The following RUNX1 variants were observed in gnomAD, a reference collection of about 807,000 sequenced individuals.
RUNX1 encodes RUNX family transcription factor 1, also known as runt-related transcription factor 1.
In RUNX1, 19 loss-of-function variants were observed where a neutral mutation model predicts 42.8. The observed-to-expected ratio is 0.44, with a 90% CI of 0.31 to 0.65. The LOEUF is 0.65. Ranked by LOEUF, RUNX1 falls within the 30% of genes least tolerant of loss-of-function variation. The pLI is 0.07. For missense variants in RUNX1, 528 were observed against 672.0 expected (o/e 0.79, Z 2.37); for synonymous variants, 271 against 289.4 (o/e 0.94, Z 0.64).
At chr21:35,027,748 C>T (rs1297937054) in intron 2 of RUNX1, among the ~76,000 whole-genome samples, 2 of 152,096 alleles carry the variant, frequency 1.3e-5, no homozygotes, top group Non-Finnish European at 2.9e-5. Flanking sequence ...AAACCCCAGC[C>T]CAACCACAGG....
chr21:34,956,533 ACTGGGC>A (rs1601606793), intron 2 of RUNX1, among the ~76,000 whole-genome samples: 1 of 152,294 alleles, frequency 6.6e-6, no homozygotes, highest in East Asian at 1.9e-4. Flanking sequence ...AAACACAGTG[ACTGGGC>A]CATTTTGTTT....
chr21:35,034,539 A>C (rs955437841), intron 2 of RUNX1, among the ~76,000 whole-genome samples: 1 of 152,210 alleles, frequency 6.6e-6, no homozygotes, highest in Non-Finnish European at 1.5e-5. Context: ...TTCTCCAAAA[A>C]ACATTCCAGA....
chr21:34,809,026 T>C (rs1287163023), intron 7 of RUNX1, among the ~76,000 whole-genome samples: 1 of 152,208 alleles, frequency 6.6e-6, no homozygotes, highest in Non-Finnish European at 1.5e-5. Flanking sequence ...AGATTCTTTC[T>C]CTGTACTTTG....
chr21:34,882,084 C>T (rs1226269444), intron 4 of RUNX1, among the ~76,000 whole-genome samples: 1 of 152,176 alleles, frequency 6.6e-6, no homozygotes, highest in Non-Finnish European at 1.5e-5. Context: ...CTTCCTCTGC[C>T]TCCTACTTCC....
At chr21:34,863,286 G>A (rs2057603596) in intron 5 of RUNX1, among the ~76,000 whole-genome samples, 1 of 152,142 alleles carries the variant, frequency 6.6e-6, no homozygotes, top group African/African-American at 2.4e-5. Flanking sequence ...AATCTGGACT[G>A]GAGATACTTT....
At chr21:34,993,438 T>TAAA (rs1278185210) in intron 2 of RUNX1, among the ~76,000 whole-genome samples, 1 of 151,812 alleles carries the variant, frequency 6.6e-6, no homozygotes, top group Non-Finnish European at 1.5e-5. Flanking sequence ...CCTTTTCAGG[T>TAAA]AAAACACCAT....
rs935810155 is a variant in RUNX1 at position 34,844,100 on chromosome 21, G to A, written c.614-9499C>T. 1.6e-4 allele frequency among the ~76,000 whole-genome samples: 24 copies of A among 152,300 alleles called. 1 individual carries two copies. The highest frequency in any genetic ancestry group is 4.8e-4 in the African/African-American group (20 of 41,574). On this transcript the variant is annotated intron_variant, in intron 6 of 8. Coordinates refer to ENST00000675419, the MANE Select transcript of RUNX1 (RefSeq NM_001754.5). ...TCTCAAGGAAACCCCCAGTTACAGC[G>A]TAACTGAAAAGTAACCAGAGAGTGG... is the stretch of plus-strand genomic sequence containing the variant.
intron 7 of RUNX1, among the ~76,000 whole-genome samples, chr21:34,827,983 A>C (rs1187006074): frequency 6.6e-6 from 1 of 152,230 alleles, no homozygotes; most frequent in Non-Finnish European, 1.5e-5. Flanking sequence ...GTCCCCACTA[A>C]GGCTGTGCCT....
At chr21:34,807,534 T>G (rs2056696461) in intron 7 of RUNX1, among the ~76,000 whole-genome samples, 1 of 152,210 alleles carries the variant, frequency 6.6e-6, no homozygotes, top group South Asian at 2.1e-4. Context: ...ATATAAACCC[T>G]AGGGGCAGCC....
intron 2 of RUNX1, among the ~76,000 whole-genome samples, chr21:35,023,965 C>T (rs1308658275): frequency 2.7e-5 from 4 of 149,426 alleles, no homozygotes; most frequent in Non-Finnish European, 5.9e-5. Flanking sequence ...ATATAGTTTA[C>T]ATATATACTA....
At chr21:34,969,395 C>T (rs987477529) in intron 2 of RUNX1, among the ~76,000 whole-genome samples, 3 of 147,114 alleles carry the variant, frequency 2.0e-5, no homozygotes, top group Non-Finnish European at 4.5e-5. Context: ...CAGGGGCCAA[C>T]AGAGAAAAAA....
At chr21:34,933,634 T>G (rs527255224) in intron 2 of RUNX1, among the ~76,000 whole-genome samples, 1 of 152,340 alleles carries the variant, frequency 6.6e-6, no homozygotes, top group East Asian at 1.9e-4. Context: ...CCTATGTTCC[T>G]TTTGAAATAA....
At chr21:34,839,364 C>T (rs1041633970) in intron 6 of RUNX1, among the ~76,000 whole-genome samples, 18 of 149,818 alleles carry the variant, frequency 1.2e-4, no homozygotes, top group African/African-American at 3.5e-4. Context: ...CACACACACT[C>T]GGGATGTACA....
At position 34,841,904 on chromosome 21, in the gene RUNX1, A is replaced by G. The variant is rs181090101; in HGVS notation, c.614-7303T>C. ...TCCAGGGTCTGTCTGCACCCATGGG[A>G]CTGTAAAGTCTACAAAGACAGGGAT... On this transcript the variant is annotated intron_variant, in intron 6 of 8. Transcript: ENST00000675419. Among the ~76,000 whole-genome samples the G allele has an allele frequency of 3.0e-3, 458 of 152,270 alleles. 2 individuals carry two copies. Among genetic ancestry groups the G allele is most frequent in the African/African-American group, 0.011 (443 of 41,542 alleles).
At chr21:34,952,462 T>C (rs750220316) in intron 2 of RUNX1, among the ~76,000 whole-genome samples, 1 of 152,044 alleles carries the variant, frequency 6.6e-6, no homozygotes, top group Non-Finnish European at 1.5e-5. Context: ...TATACGGGGG[T>C]ACCTGAGGTG....
Position 34,792,303 on chromosome 21 carries a change from C to G in RUNX1, c.1275G>C (p.Pro425=), listed in dbSNP as rs886038488. 1.1e-5 allele frequency: 17 copies of G among 1,536,006 alleles called. No individual in the cohort carries two copies. Among genetic ancestry groups the G allele is most frequent in the Middle Eastern group, 1.7e-4 (1 of 5,870 alleles). Residue 425 remains proline (P), a synonymous_variant, in exon 9 of 9, where the codon CCG becomes CCC. Transcript: ENST00000675419. The surrounding 1 kb of genome is among the most constrained non-coding windows in gnomAD (Gnocchi z 6.9). ...TGGTGCAGGGCGGCAGGATGCGCGGCGGCGAGCGCTCGCCGCCCACCATGG... is the reference window on the plus strand; with the variant it reads ...TGGTGCAGGGCGGCAGGATGCGCGGGGGCGAGCGCTCGCCGCCCACCATGG... The part of the protein sequence containing the change: ...QFSMVGGERS[P]PRILPPCTNA...
chr21:34,975,984 A>G (rs1373312883), intron 2 of RUNX1, among the ~76,000 whole-genome samples: 2 of 152,194 alleles, frequency 1.3e-5, no homozygotes, highest in African/African-American at 2.4e-5. Flanking sequence ...TTATCTGCAG[A>G]AGAAAGCTAT....
Position 34,822,581 on chromosome 21 carries a change from T to C in RUNX1, c.805+11829A>G, listed in dbSNP as rs140575606. On this transcript the variant is annotated intron_variant, in intron 7 of 8. Transcript: ENST00000675419. Reference sequence around the variant, plus strand: ...TTGTTGGACGACCAACAGAAGCGCATCTTAAAACTCAGGCAGTTATGGCTG... The same window carrying C: ...TTGTTGGACGACCAACAGAAGCGCACCTTAAAACTCAGGCAGTTATGGCTG... Among the ~76,000 whole-genome samples the C allele has an allele frequency of 8.9e-4, 135 of 152,306 alleles. 1 individual carries two copies. Among genetic ancestry groups the C allele is most frequent in the African/African-American group, 3.1e-3 (129 of 41,562 alleles).
chr21:34,891,744 C>T (rs2146449777), intron 3 of RUNX1, among the ~76,000 whole-genome samples: 1 of 151,002 alleles, frequency 6.6e-6, no homozygotes, highest in South Asian at 2.1e-4. Context: ...ATACGTTGGG[C>T]GGATGCTACG....
Sources: gnomAD v4.1 joint callset for allele counts (sites outside exome capture counted in the v4.1 genomes callset) on GRCh38, gnomAD v4.1.1 for gene constraint, Gnocchi (gnomAD v3.1) non-coding constraint, MANE v1.5 for transcripts, NCBI Gene and HGNC (gene_info 2026-07-23, HGNC 2026-07-21) for gene names.